The following VWA8 variants were observed in gnomAD, a reference collection of about 807,000 sequenced individuals.
VWA8 encodes the protein von Willebrand factor A domain containing 8, also known as von Willebrand factor A domain-containing protein 8.
Under a neutral mutation model 241.5 loss-of-function variants are expected in VWA8, and 221 were observed. The observed-to-expected ratio is 0.91, with a 90% confidence interval of 0.82 to 1.02. The LOEUF is 1.02. VWA8 is among the 50% of genes least tolerant of loss of function. The probability of loss-of-function intolerance (pLI) is 0.00; values close to 1 mark genes in which losing one functional copy is unlikely to be tolerated. For missense variants in VWA8, 2,322 were observed against 2,328.7 expected (o/e 1.00, Z 0.06); for synonymous variants, 852 against 827.1 (o/e 1.03, Z -0.52).
At chr13:41,918,536 A>G (rs1876364618) in intron 2 of VWA8, among the ~76,000 whole-genome samples, 1 of 152,240 alleles carries the variant, frequency 6.6e-6, no homozygotes. Context: ...GAGAATTAAC[A>G]TGAATGAAAA....
chr13:41,742,014 T>C (rs1279854005), intron 21 of VWA8, among the ~76,000 whole-genome samples: 1 of 152,118 alleles, frequency 6.6e-6, no homozygotes, highest in Non-Finnish European at 1.5e-5. Context: ...AATAAGCACA[T>C]AGAAGTTGGG....
chr13:41,875,300 A>T (rs754683661), intron 9 of VWA8, among the ~76,000 whole-genome samples: 1 of 152,040 alleles, frequency 6.6e-6, no homozygotes, highest in Non-Finnish European at 1.5e-5. Flanking sequence ...AAAACAAGAC[A>T]CAAGGGTGCT....
At chr13:41,613,295 C>G (rs1200306611) in intron 38 of VWA8, among the ~76,000 whole-genome samples, 1 of 152,148 alleles carries the variant, frequency 6.6e-6, no homozygotes, top group Non-Finnish European at 1.5e-5. Context: ...ACATATTTCA[C>G]TTTTATTTAG....
chr13:41,654,875 T>G (rs984752498), intron 37 of VWA8, among the ~76,000 whole-genome samples: 5 of 152,196 alleles, frequency 3.3e-5, no homozygotes, highest in Non-Finnish European at 5.9e-5. Flanking sequence ...GATGAGGAAC[T>G]GTTCAGATTG....
intron 37 of VWA8, among the ~76,000 whole-genome samples, chr13:41,636,568 T>C (rs2044758044): frequency 6.6e-6 from 1 of 152,148 alleles, no homozygotes; most frequent in Non-Finnish European, 1.5e-5. Context: ...AAAGCCAAAA[T>C]TGACATATGG....
At chr13:41,813,248 A>G (rs1454681123) in intron 16 of VWA8, among the ~76,000 whole-genome samples, 1 of 152,202 alleles carries the variant, frequency 6.6e-6, no homozygotes, top group Non-Finnish European at 1.5e-5. Context: ...GATGAAGGAC[A>G]GAGAGAACTG....
chr13:41,571,968 TG>T (rs987973863), intron 43 of VWA8, among the ~76,000 whole-genome samples: 5 of 151,924 alleles, frequency 3.3e-5, no homozygotes, highest in Non-Finnish European at 7.4e-5. Flanking sequence ...CCGCCCAGTC[TG>T]GGATGTGAGG....
At chr13:41,894,894 A>G (rs377521579) in intron 4 of VWA8, among the ~76,000 whole-genome samples, 15 of 152,302 alleles carry the variant, frequency 9.8e-5, no homozygotes, top group African/African-American at 3.1e-4. Flanking sequence ...AACATCAGAC[A>G]AATCTAAATT....
chr13:41,801,157 T>TTTAA (rs1381096340), intron 17 of VWA8, among the ~76,000 whole-genome samples: 1 of 138,554 alleles, frequency 7.2e-6, no homozygotes, highest in Admixed American at 7.3e-5. Context: ...TTTTTATTTA[T>TTTAA]TTTTTTAATA....
Position 41,611,734 on chromosome 13 carries a change from T to C in VWA8, c.4721-2A>G, listed in dbSNP as rs1469981358. ...CCAGGCCTGCCGTGTCTCTTCCCCC[T>C]GGAAGGAAAACGTGGAAATTCAGAT... On this transcript the variant is annotated splice_acceptor_variant, in intron 38 of 44. Coordinates refer to ENST00000379310, the MANE Select transcript of VWA8 (RefSeq NM_015058.2). LOFTEE classifies it high-confidence loss of function. 7.4e-6 allele frequency: 12 copies of C among 1,612,842 alleles called. 1 individual carries two copies. In the South Asian group the frequency reaches 1.3e-4, roughly 18 times the overall value.
intron 2 of VWA8, among the ~76,000 whole-genome samples, chr13:41,936,550 G>C (rs1476244151): frequency 6.6e-6 from 1 of 152,116 alleles, no homozygotes; most frequent in African/African-American, 2.4e-5. Context: ...ATTGCCACAT[G>C]GATCCACAGA....
At chr13:41,622,871 T>C (rs887547286) in intron 37 of VWA8, among the ~76,000 whole-genome samples, 1 of 152,214 alleles carries the variant, frequency 6.6e-6, no homozygotes, top group African/African-American at 2.4e-5. Context: ...CTTTTGGAGG[T>C]ATGACTGGAC....
chr13:41,695,849 A>G (rs548698551), intron 29 of VWA8, among the ~76,000 whole-genome samples: 1 of 152,312 alleles, frequency 6.6e-6, no homozygotes, highest in Non-Finnish European at 1.5e-5. Flanking sequence ...ATAAGGTATT[A>G]ATCAGCAATG....
intron 24 of VWA8, among the ~76,000 whole-genome samples, chr13:41,724,121 C>T (rs1291610778): frequency 2.6e-5 from 4 of 152,020 alleles, no homozygotes; most frequent in Admixed American, 6.6e-5. Flanking sequence ...AGATTCAGTA[C>T]GATGAGGACT....
At chr13:41,940,335 A>G (rs1052684418) in intron 2 of VWA8, among the ~76,000 whole-genome samples, 1 of 152,170 alleles carries the variant, frequency 6.6e-6, no homozygotes, top group African/African-American at 2.4e-5. Flanking sequence ...TAGGTAAATC[A>G]AAGCATAAAT....
chr13:41,926,157 G>A, intron 2 of VWA8: 1 of 605,974 alleles, frequency 1.7e-6, no homozygotes, highest in East Asian at 2.8e-5. Flanking sequence ...GGGGAACCCT[G>A]GGAAAACCAA....
intron 26 of VWA8, among the ~76,000 whole-genome samples, chr13:41,712,257 ACAC>A (rs1489871138): frequency 6.6e-6 from 1 of 152,194 alleles, no homozygotes; most frequent in Non-Finnish European, 1.5e-5. Flanking sequence ...ACTTGAAATG[ACAC>A]CAACACATAG....
intron 21 of VWA8, among the ~76,000 whole-genome samples, chr13:41,733,209 T>C (rs1050802804): frequency 1.3e-5 from 2 of 152,192 alleles, no homozygotes; most frequent in Non-Finnish European, 2.9e-5. Flanking sequence ...TGTGTATCTG[T>C]TTTTTAAAAA....
chr13:41,929,151 A>AT (rs367906772), intron 2 of VWA8, among the ~76,000 whole-genome samples: 21,301 of 126,624 alleles, frequency 0.17, 2,390 homozygotes, highest in African/African-American at 0.27. Context: ...CTTGACTTTA[A>AT]TTTTTTTTTT....
Sources: allele counts gnomAD v4.1 joint callset (sites outside exome capture counted in the v4.1 genomes callset), GRCh38; gene constraint gnomAD v4.1.1; transcripts MANE v1.5; gene names NCBI Gene and HGNC (gene_info 2026-07-23, HGNC 2026-07-21).